Variants in TFDP2 observed in about 807,000 individuals in gnomAD.
TFDP2 encodes the protein transcription factor Dp-2.
TFDP2 carries 17 observed loss-of-function variants against 59.3 expected under a neutral mutation model. That is an observed-to-expected ratio of 0.29 (90% CI 0.20 to 0.43). TFDP2 has a LOEUF of 0.43. Ranked by LOEUF, TFDP2 falls within the 20% of genes least tolerant of loss-of-function variation. TFDP2 has a pLI of 1.00. For synonymous variants in TFDP2, 180 were observed against 194.7 expected, an observed-to-expected ratio of 0.92 and a Z score of 0.63; for missense variants, 391 against 528.8, an observed-to-expected ratio of 0.74 and a Z score of 2.56.
intron 9 of TFDP2, among the ~76,000 whole-genome samples, chr3:141,969,166 A>T (rs1455331417): frequency 6.7e-4 from 38 of 57,010 alleles, no homozygotes; most frequent in African/African-American, 4.8e-3. Flanking sequence ...TATATATAAC[A>T]TATATATATA....
intron 3 of TFDP2, among the ~76,000 whole-genome samples, chr3:142,030,800 T>C (rs1244182836): frequency 1.4e-5 from 2 of 140,454 alleles, no homozygotes; most frequent in African/African-American, 5.4e-5. Flanking sequence ...TGGAGTGCAG[T>C]GGCGCGATCT....
chr3:142,035,785 T>C (rs930311288), intron 3 of TFDP2, among the ~76,000 whole-genome samples: 2 of 152,226 alleles, frequency 1.3e-5, no homozygotes, highest in Non-Finnish European at 2.9e-5. Context: ...CTCCTCTCTT[T>C]GCCTGCTGCC....
intron 6 of TFDP2, among the ~76,000 whole-genome samples, chr3:141,988,760 C>A (rs1942428143): frequency 1.3e-5 from 2 of 150,792 alleles, no homozygotes; most frequent in South Asian, 4.2e-4. Flanking sequence ...CCTCTGCCTC[C>A]CAGGTTCAAG....
intron 3 of TFDP2, among the ~76,000 whole-genome samples, chr3:142,024,620 G>C (rs1341400936): frequency 6.6e-6 from 1 of 152,126 alleles, no homozygotes; most frequent in Admixed American, 6.5e-5. Flanking sequence ...ACAATAAATA[G>C]GTAAGGCTCA....
At chr3:142,036,745 C>A (rs530315781) in intron 3 of TFDP2, among the ~76,000 whole-genome samples, 1 of 152,316 alleles carries the variant, frequency 6.6e-6, no homozygotes, top group African/African-American at 2.4e-5. Context: ...TCTTTCCAGG[C>A]TCTTAATGAT....
chr3:142,013,772 T>C (rs540354738), intron 3 of TFDP2, among the ~76,000 whole-genome samples: 10,561 of 131,168 alleles, frequency 0.081, 461 homozygotes, highest in Non-Finnish European at 0.12. Flanking sequence ...ACACCACATA[T>C]TTTTTTTTCC....
chr3:142,003,042 A>T (rs1271673416), intron 4 of TFDP2, among the ~76,000 whole-genome samples: 1 of 150,624 alleles, frequency 6.6e-6, no homozygotes, highest in African/African-American at 2.4e-5. Context: ...TTGCTCTGTC[A>T]CCCAGGCTGG....
chr3:141,953,729 C>T (rs1331786037), intron 11 of TFDP2, among the ~76,000 whole-genome samples: 2 of 150,498 alleles, frequency 1.3e-5, no homozygotes, highest in Non-Finnish European at 3.0e-5. Flanking sequence ...TGTGCTGCAC[C>T]GATTAACTCG....
rs1304695141 is a variant in TFDP2 at position 141,971,366 on chromosome 3, G to T, written c.664-1225C>A. Reference sequence around the variant, plus strand: ...AGCCTGGCCAATAAGGTGAAACCTCGTCTCTACTAAAAAAAAAAAAAAAAA... The same window carrying T: ...AGCCTGGCCAATAAGGTGAAACCTCTTCTCTACTAAAAAAAAAAAAAAAAA... On this transcript the variant is annotated intron_variant, in intron 8 of 12. Transcript: ENST00000489671. Among the ~76,000 whole-genome samples, 5 of 128,544 alleles carry T rather than the reference G, an allele frequency of 3.9e-5. No homozygotes were observed. The South Asian group carries it at 1.3e-3, about 33-fold the overall frequency. 84.3% of individuals were successfully genotyped at this position (128,544 alleles called of 152,430 possible). A position where few individuals can be genotyped will look rare whatever the true frequency, so the allele number is the denominator to read the frequency against.
In TFDP2 at chr3:142,100,339, T is replaced by C. The variant is rs115693294; in HGVS notation, c.15+1396A>G. On this transcript the variant is annotated intron_variant, in intron 2 of 12. Transcript: ENST00000489671. ...AGGCTCCTCCTAAGGAGTCTGAAAC[T>C]AGAAAGGCAGGCAGGATGCATCAAG... Among the ~76,000 whole-genome samples the C allele has an allele frequency of 3.5e-3, 535 of 152,216 alleles. 3 individuals carry two copies. The highest frequency in any genetic ancestry group is 0.012 in the African/African-American group (503 of 41,538).
At chr3:142,079,295 T>G (rs2060560785) in intron 3 of TFDP2, among the ~76,000 whole-genome samples, 1 of 151,390 alleles carries the variant, frequency 6.6e-6, no homozygotes, top group African/African-American at 2.4e-5. Flanking sequence ...AGGGCGAGAC[T>G]CCATCTCAAA....
intron 8 of TFDP2, among the ~76,000 whole-genome samples, chr3:141,971,249 G>A (rs186288665): frequency 5.9e-5 from 9 of 151,494 alleles, no homozygotes; most frequent in Admixed American, 3.3e-4. Context: ...ATGGCCAGGC[G>A]CGGTGGCTCA....
chr3:141,956,504 A>T (rs972595572), intron 11 of TFDP2, among the ~76,000 whole-genome samples: 1 of 152,046 alleles, frequency 6.6e-6, no homozygotes, highest in Non-Finnish European at 1.5e-5. Context: ...GTGAGCTGAG[A>T]CTGCACCATT....
intron 1 of TFDP2, among the ~76,000 whole-genome samples, chr3:142,109,719 G>A (rs2061590465): frequency 6.6e-6 from 1 of 152,038 alleles, no homozygotes; most frequent in South Asian, 2.1e-4. Flanking sequence ...TTTTTAAAAA[G>A]TTATAATAGA....
At chr3:142,048,154 C>G (rs113830737) in intron 3 of TFDP2, among the ~76,000 whole-genome samples, 1 of 152,102 alleles carries the variant, frequency 6.6e-6, no homozygotes, top group African/African-American at 2.4e-5. Flanking sequence ...GTGGCTCACA[C>G]CTGTAATCCT....
intron 1 of TFDP2, among the ~76,000 whole-genome samples, chr3:142,103,886 G>T (rs1443500594): frequency 1.4e-5 from 2 of 146,816 alleles, no homozygotes; most frequent in African/African-American, 5.0e-5. Context: ...GAAAAGCAAG[G>T]TTTTTTTTTT....
At chr3:142,031,760 T>C (rs1946441560) in intron 3 of TFDP2, among the ~76,000 whole-genome samples, 2 of 152,360 alleles carry the variant, frequency 1.3e-5, no homozygotes, top group African/African-American at 4.8e-5. Context: ...TTATTGGCAA[T>C]CTGCCCAAAT....
chr3:141,992,407 A>C (rs1363741530), intron 6 of TFDP2, among the ~76,000 whole-genome samples: 1 of 152,190 alleles, frequency 6.6e-6, no homozygotes, highest in Admixed American at 6.5e-5. Context: ...CTTACAAAGG[A>C]GAATAAAGAG....
intron 3 of TFDP2, among the ~76,000 whole-genome samples, chr3:142,026,909 T>C (rs1271946743): frequency 6.6e-6 from 1 of 152,194 alleles, no homozygotes; most frequent in African/African-American, 2.4e-5. Context: ...CAACATATCA[T>C]TTCAATTAAA....
Sources: gnomAD v4.1 joint callset for allele counts (sites outside exome capture counted in the v4.1 genomes callset) on GRCh38, gnomAD v4.1.1 for gene constraint, MANE v1.5 for transcripts, NCBI Gene and HGNC (gene_info 2026-07-23, HGNC 2026-07-21) for gene names.